HMOX2: variants seen among roughly 807,000 people sequenced by gnomAD.
HMOX2 encodes heme oxygenase (decycling) 2.
A neutral mutation model predicts 33.7 loss-of-function variants in HMOX2; 30 were observed. The ratio of observed to expected loss-of-function variants is 0.89; its 90% CI spans 0.67 to 1.21. The LOEUF (loss-of-function observed/expected upper bound fraction) is 1.21. HMOX2 is among the 50% of genes most tolerant of loss of function. HMOX2 has a pLI of 0.00. For missense variants in HMOX2, 403 were observed against 399.1 expected (o/e 1.01, Z -0.08); for synonymous variants, 155 against 155.0 (o/e 1.00, Z 0.00).
chr16:4,475,535 C>A (rs2057796645), upstream of HMOX2, among the ~76,000 whole-genome samples: 1 of 151,372 alleles, frequency 6.6e-6, no homozygotes, highest in Non-Finnish European at 1.5e-5. Flanking sequence ...TGGTCTCGAA[C>A]TGCTGACCTC....
At chr16:4,505,690 G>T in intron 2 of HMOX2, 80 bp downstream of exon 2, 1 of 1,056,686 alleles carries the variant, frequency 9.5e-7, no homozygotes, top group Non-Finnish European at 1.4e-6. Context: ...TTGTCTGTTG[G>T]CAGCACTGGG....
Position 4,478,740 on chromosome 16 carries a change from G to A in HMOX2, c.-42+2253G>A, listed in dbSNP as rs892944536. Among the ~76,000 whole-genome samples the A allele has an allele frequency of 5.0e-4, 76 of 151,334 alleles. 1 individual carries two copies. Among genetic ancestry groups the A allele is most frequent in the African/African-American group, 1.8e-3 (74 of 41,174 alleles). Reference sequence around the variant, plus strand: ...AGATTGTGCCACTGCATTCCAGCCTGGGCAACAGGAGCAAAACTGCATCTC... The same window carrying A: ...AGATTGTGCCACTGCATTCCAGCCTAGGCAACAGGAGCAAAACTGCATCTC... On this transcript the variant is annotated intron_variant, in intron 1 of 5. Transcript: ENST00000570646.
At chr16:4,478,596 A>T (rs1341433588) in intron 1 of HMOX2, among the ~76,000 whole-genome samples, 4 of 151,166 alleles carry the variant, frequency 2.6e-5, no homozygotes, top group Non-Finnish European at 5.9e-5. Flanking sequence ...ACTAAGAAAA[A>T]AATAATAATA....
At chr16:4,497,767 A>G (rs1014760535) in intron 1 of HMOX2, among the ~76,000 whole-genome samples, 2 of 148,910 alleles carry the variant, frequency 1.3e-5, no homozygotes, top group Admixed American at 1.3e-4. Context: ...TTTTTATTCA[A>G]TGTATTTTTT....
intron 1 of HMOX2, among the ~76,000 whole-genome samples, chr16:4,482,742 A>G (rs1165454478): frequency 6.6e-6 from 1 of 152,210 alleles, no homozygotes; most frequent in Non-Finnish European, 1.5e-5. Context: ...AGAAGGATAC[A>G]GATGGCTGGG....
chr16:4,482,195 T>A (rs112333960), intron 1 of HMOX2, among the ~76,000 whole-genome samples: 129 of 152,330 alleles, frequency 8.5e-4, no homozygotes, highest in African/African-American at 3.0e-3. Context: ...GTGTTCAGTG[T>A]CATATTTGTC....
In HMOX2 at chr16:4,510,065, T is replaced by A. The variant is rs1229435646; in HGVS notation, c.*309T>A. On this transcript the variant is annotated 3_prime_UTR_variant, in exon 6 of 6. Transcript: ENST00000570646. ...TAGGCTGCTTCCGGTAGTCCCTGTT[T>A]TTGCAGTACATGGGTGACTATCTCC... is the stretch of plus-strand genomic sequence containing the variant. The A allele has an allele frequency of 2.4e-6, 1 of 413,198 alleles. No homozygotes were observed. The highest frequency in any genetic ancestry group is 3.8e-5 in the Admixed American group (1 of 26,338). 25.6% of individuals were successfully genotyped at this position (413,198 alleles called of 1,614,324 possible).
chr16:4,492,134 C>T (rs959521352), intron 1 of HMOX2, among the ~76,000 whole-genome samples: 53 of 151,862 alleles, frequency 3.5e-4, no homozygotes, highest in Middle Eastern at 3.2e-3. Context: ...GCTAGGAGTT[C>T]GAGACCAGCC....
chr16:4,491,603 G>A (rs2058307479), intron 1 of HMOX2, among the ~76,000 whole-genome samples: 1 of 152,070 alleles, frequency 6.6e-6, no homozygotes, highest in Admixed American at 6.6e-5. Context: ...AGTGGGCCGA[G>A]ATTATGCCAC....
At chr16:4,504,004 G>A (rs753523238) in intron 1 of HMOX2, among the ~76,000 whole-genome samples, 39 of 152,190 alleles carry the variant, frequency 2.6e-4, no homozygotes, top group Admixed American at 1.6e-3. Flanking sequence ...TCCCCAAATG[G>A]GCTGCGCCTT....
At chr16:4,504,354 A>ATTTTT (rs34314976) in intron 1 of HMOX2, among the ~76,000 whole-genome samples, 6 of 72,876 alleles carry the variant, frequency 8.2e-5, no homozygotes, top group Non-Finnish European at 1.1e-4. Flanking sequence ...GTAACTTTCA[A>ATTTTT]TTTTTTTTTT....
intron 1 of HMOX2, among the ~76,000 whole-genome samples, chr16:4,505,173 C>T (rs2058659490): frequency 6.6e-6 from 1 of 152,162 alleles, no homozygotes; most frequent in African/African-American, 2.4e-5. Flanking sequence ...TGTACCTTTA[C>T]TTCTGAATAC....
At chr16:4,492,708 ACT>A (rs1273608291) in intron 1 of HMOX2, among the ~76,000 whole-genome samples, 2 of 151,388 alleles carry the variant, frequency 1.3e-5, no homozygotes, top group South Asian at 2.1e-4. Flanking sequence ...ACAGAGTGAG[ACT>A]CTGTCTCAAA....
chr16:4,487,835 C>T (rs2058210738), intron 1 of HMOX2, among the ~76,000 whole-genome samples: 1 of 151,696 alleles, frequency 6.6e-6, no homozygotes, highest in African/African-American at 2.4e-5. Context: ...CCTGTAATCC[C>T]AGCTACTCGG....
intron 2 of HMOX2, among the ~76,000 whole-genome samples, chr16:4,506,660 C>A (rs1307591799): frequency 6.6e-6 from 1 of 152,210 alleles, no homozygotes; most frequent in African/African-American, 2.4e-5. Context: ...TCTCAAGGAG[C>A]AGGCCACAGT....
intron 1 of HMOX2, among the ~76,000 whole-genome samples, chr16:4,485,710 T>A (rs2058150678): frequency 6.6e-6 from 1 of 152,022 alleles, no homozygotes; most frequent in African/African-American, 2.4e-5. Context: ...TTTTTTTGTT[T>A]TTGTTTTTGT....
chr16:4,476,833 T>C (rs1046455050), intron 1 of HMOX2, among the ~76,000 whole-genome samples: 2 of 152,136 alleles, frequency 1.3e-5, no homozygotes, highest in Non-Finnish European at 2.9e-5. Context: ...ACGGCTATGC[T>C]GGGCGAGGTG....
intron 1 of HMOX2, 85 bp from the exon 2 acceptor site, chr16:4,505,399 T>C: frequency 1.6e-6 from 1 of 632,908 alleles, no homozygotes; most frequent in Non-Finnish European, 2.8e-6. Flanking sequence ...TTGGTTACAT[T>C]CGCTCTGAGG....
chr16:4,485,360 G>A (rs1461761920), intron 1 of HMOX2, among the ~76,000 whole-genome samples: 1 of 152,178 alleles, frequency 6.6e-6, no homozygotes, highest in Non-Finnish European at 1.5e-5. Flanking sequence ...AGCTTCTAAG[G>A]TATGCAGAGT....
Sources: allele counts gnomAD v4.1 joint callset (sites outside exome capture counted in the v4.1 genomes callset), GRCh38; gene constraint gnomAD v4.1.1; transcripts MANE v1.5; gene names NCBI Gene and HGNC (gene_info 2026-07-23, HGNC 2026-07-21).